RUBCNL: variants seen among roughly 807,000 people sequenced by gnomAD.
RUBCNL encodes rubicon like autophagy enhancer, also known as protein associated with UVRAG as autophagy enhancer.
A neutral mutation model predicts 69.5 loss-of-function variants in RUBCNL; 62 were observed. That is an observed-to-expected ratio of 0.89 (90% CI 0.73 to 1.10). The LOEUF is 1.10. RUBCNL is among the 50% of genes least tolerant of loss of function. RUBCNL has a pLI of 0.00. For synonymous variants in RUBCNL, 291 were observed against 303.6 expected (o/e 0.96, Z 0.43); for missense variants, 768 against 798.1 (o/e 0.96, Z 0.45).
rs2048132285 is a variant in RUBCNL at position 46,340,257 on chromosome 13, T to C, written c.*3128A>G. Among the ~76,000 whole-genome samples, 1 of 152,178 alleles carries C rather than the reference T, an allele frequency of 6.6e-6. No homozygotes were observed. Among genetic ancestry groups the C allele is most frequent in the Admixed American group, 6.5e-5 (1 of 15,284 alleles). ...GACACCAGCATAGACCTTTAACATA[T>C]TCTTTCATGGGACACAATTCAACCC... On this transcript the variant is annotated 3_prime_UTR_variant, in exon 15 of 15. Coordinates refer to ENST00000429979, the MANE Select transcript of RUBCNL (RefSeq NM_025113.5).
chr13:46,362,334 T>C (rs375407162), intron 7 of RUBCNL, among the ~76,000 whole-genome samples: 1 of 152,190 alleles, frequency 6.6e-6, no homozygotes, highest in Admixed American at 6.5e-5. Flanking sequence ...TGAAAATGCA[T>C]ACAAAAGCCT....
Position 46,377,986 on chromosome 13 carries a change from A to T in RUBCNL, c.-219T>A, listed in dbSNP as rs967268001. On this transcript the variant is annotated 5_prime_UTR_variant, in exon 2 of 15. Coordinates refer to ENST00000429979, the MANE Select transcript of RUBCNL (RefSeq NM_025113.5). ...CATGCAGTAGTGACAGGAGGTCAAT[A>T]TCCCCATTTTTTATTTTATCTGTAA... 2.5e-6 allele frequency: 4 copies of T among 1,571,734 alleles called. No individual in the cohort carries two copies. The highest frequency in any genetic ancestry group is 3.4e-6 in the Non-Finnish European group (4 of 1,162,018).
intron 12 of RUBCNL, among the ~76,000 whole-genome samples, chr13:46,346,358 T>G (rs1366256871): frequency 2.0e-5 from 3 of 152,166 alleles, no homozygotes; most frequent in African/African-American, 7.2e-5. Context: ...CACCTTACTC[T>G]TCAAGCTCAG....
intron 10 of RUBCNL, chr13:46,354,829 A>G (rs1035660169): frequency 2.2e-6 from 1 of 456,636 alleles, no homozygotes; most frequent in African/African-American, 2.0e-5. Flanking sequence ...GCCACTGTAC[A>G]AAAGTGCAGA....
Position 46,349,011 on chromosome 13 carries a change from C to T in RUBCNL, c.1631+275G>A, listed in dbSNP as rs2048311247. Among the ~76,000 whole-genome samples the T allele has an allele frequency of 2.0e-5, 3 of 152,156 alleles. No individual in the cohort carries two copies. The South Asian group carries it at 6.2e-4, about 32-fold the overall frequency. ...TTCACTTTCTACCATGATTGTGAGGCCTCCCCAGCTATGCAAAACTGTGAG... is the reference window on the plus strand; with the variant it reads ...TTCACTTTCTACCATGATTGTGAGGTCTCCCCAGCTATGCAAAACTGTGAG... On this transcript the variant is annotated intron_variant, in intron 12 of 14. Transcript: ENST00000429979.
intron 5 of RUBCNL, among the ~76,000 whole-genome samples, chr13:46,363,623 T>G (rs259700): frequency 0.3 from 45,114 of 151,786 alleles, 8,017 homozygotes; most frequent in East Asian, 0.58. Context: ...GAGGCTGAGG[T>G]AGGAGAATCA....
intron 6 of RUBCNL, among the ~76,000 whole-genome samples, 152 bp downstream of exon 6, chr13:46,362,963 T>TATAG (rs1555253849): frequency 1.3e-4 from 13 of 98,704 alleles, no homozygotes; most frequent in South Asian, 9.1e-4. Context: ...TATATATATA[T>TATAG]ATATATATAT....
At chr13:46,373,973 T>C (rs2048934491) in intron 2 of RUBCNL, among the ~76,000 whole-genome samples, 1 of 152,260 alleles carries the variant, frequency 6.6e-6, no homozygotes, top group Non-Finnish European at 1.5e-5. Context: ...TTAGGAGTCA[T>C]TTCTGATCCT....
chr13:46,342,339 C>A lies in RUBCNL; in HGVS notation c.*1046G>T, dbSNP rs187186239. On this transcript the variant is annotated 3_prime_UTR_variant, in exon 15 of 15. Coordinates refer to ENST00000429979, the MANE Select transcript of RUBCNL (RefSeq NM_025113.5). Reference sequence around the variant, plus strand: ...AATCCCAGGGAATGTAATGCCCAAGCCCTAGGTTGCAAACCGTTCAGTCTA... The same window carrying A: ...AATCCCAGGGAATGTAATGCCCAAGACCTAGGTTGCAAACCGTTCAGTCTA... 6.6e-6 allele frequency: 1 copy of A among 152,110 alleles called. No homozygotes were observed. The highest frequency in any genetic ancestry group is 6.6e-5 in the Admixed American group (1 of 15,266). The allele number at this position is 152,110 out of a possible 1,614,324, so 9.4% of individuals were successfully genotyped here. A position where few individuals can be genotyped will look rare whatever the true frequency, so the allele number is the denominator to read the frequency against.
Position 46,336,272 on chromosome 13 carries a change from C to T in RUBCNL, c.*7113G>A, listed in dbSNP as rs914311171. ...GCAGCACCTCCATCATCAGACTCTA[C>T]GAAGATGGAGTTTCAGGTGGTCCCC... is the stretch of plus-strand genomic sequence containing the variant. On this transcript the variant is annotated 3_prime_UTR_variant, in exon 15 of 15. Transcript: ENST00000429979. Among the ~76,000 whole-genome samples, 9 of 152,228 alleles carry T rather than the reference C, an allele frequency of 5.9e-5. No homozygotes were observed. The highest frequency in any genetic ancestry group is 2.1e-4 in the South Asian group (1 of 4,822).
intron 7 of RUBCNL, among the ~76,000 whole-genome samples, chr13:46,362,047 G>A (rs1169015528): frequency 2.0e-5 from 3 of 148,046 alleles, no homozygotes; most frequent in East Asian, 3.9e-4. Context: ...TCAACATAGT[G>A]AAACCCCATC....
chr13:46,351,119 G>C (rs2138697101), intron 10 of RUBCNL: 1 of 150,672 alleles, frequency 6.6e-6, no homozygotes, highest in African/African-American at 2.5e-5. Context: ...AAAAAAATTA[G>C]CCAGGCAATG....
chr13:46,377,967 G>A lies in RUBCNL; in HGVS notation c.-200C>T. 3 of 1,596,036 alleles carry A rather than the reference G, an allele frequency of 1.9e-6. No homozygotes were observed. Among genetic ancestry groups the A allele is most frequent in the Non-Finnish European group, 2.6e-6 (3 of 1,174,186 alleles). On this transcript the variant is annotated 5_prime_UTR_variant, in exon 2 of 15. Coordinates refer to ENST00000429979, the MANE Select transcript of RUBCNL (RefSeq NM_025113.5). ...ATTGGAAACCATCAAAGTCCATGCA[G>A]TAGTGACAGGAGGTCAATATCCCCA...
rs577873939 is a variant in RUBCNL at position 46,349,530 on chromosome 13, C to G, written c.1570-183G>C. On this transcript the variant is annotated intron_variant, in intron 11 of 14. Transcript: ENST00000429979. ...GAGTCTGCTGATCCACAAAGTGTGC[C>G]CTGGATGGATCCAGGTTTTGTAGAA... is the stretch of plus-strand genomic sequence containing the variant. Among the ~76,000 whole-genome samples, 4 of 152,246 alleles carry G rather than the reference C, an allele frequency of 2.6e-5. No homozygotes were observed. The East Asian group carries it at 7.7e-4, about 29-fold the overall frequency.
intron 8 of RUBCNL, among the ~76,000 whole-genome samples, chr13:46,360,999 AGATC>A (rs2048597013): frequency 1.3e-5 from 2 of 152,160 alleles, no homozygotes; most frequent in African/African-American, 4.8e-5. Context: ...CAAGGTGGGC[AGATC>A]ACTTGAGGTC....
At chr13:46,348,468 C>T (rs1186429468) in intron 12 of RUBCNL, among the ~76,000 whole-genome samples, 2 of 152,112 alleles carry the variant, frequency 1.3e-5, no homozygotes, top group African/African-American at 4.8e-5. Context: ...GGCTGTGTCC[C>T]CACCCAAATC....
At chr13:46,348,497 C>A (rs562738509) in intron 12 of RUBCNL, among the ~76,000 whole-genome samples, 1 of 152,086 alleles carries the variant, frequency 6.6e-6, no homozygotes. Context: ...AACTGTAGCT[C>A]CCATAATTCC....
At chr13:46,348,823 C>T (rs993336139) in intron 12 of RUBCNL, among the ~76,000 whole-genome samples, 1 of 151,978 alleles carries the variant, frequency 6.6e-6, no homozygotes. Context: ...AGGATGGTCT[C>T]GATCTCTTGA....
chr13:46,356,998 G>A (rs1201991749), intron 9 of RUBCNL, among the ~76,000 whole-genome samples: 1 of 148,660 alleles, frequency 6.7e-6, no homozygotes, highest in African/African-American at 2.5e-5. Flanking sequence ...CAAAGTGCTG[G>A]AATTACAGGC....
Sources: gnomAD v4.1 joint callset for allele counts (sites outside exome capture counted in the v4.1 genomes callset) on GRCh38, gnomAD v4.1.1 for gene constraint, MANE v1.5 for transcripts, NCBI Gene and HGNC (gene_info 2026-07-23, HGNC 2026-07-21) for gene names.